NYAP2: variants seen among roughly 807,000 people sequenced by gnomAD.
NYAP2 encodes neuronal tyrosine-phosphorylated phosphoinositide-3-kinase adapter 2.
In NYAP2, 23 loss-of-function variants were observed where a neutral mutation model predicts 50.4. The observed-to-expected ratio is 0.46, with a 90% CI of 0.33 to 0.65. NYAP2 has a LOEUF of 0.65. NYAP2 is among the 30% of genes least tolerant of loss of function. The pLI is 0.02. For synonymous variants in NYAP2, 394 were observed against 365.2 expected (o/e 1.08, Z -0.90); for missense variants, 885 against 861.0 (o/e 1.03, Z -0.35).
rs373428676 is a variant in NYAP2, at chr2:225,487,364, CT to C, written c.222-25996del. Among the ~76,000 whole-genome samples, 782 of 147,888 alleles carry C rather than the reference CT, an allele frequency of 5.3e-3. 5 individuals are homozygous for C. Among genetic ancestry groups the C allele is most frequent in the African/African-American group, 0.017 (679 of 40,676 alleles). Reference sequence around the variant, plus strand: ...TTCTAATTGGTAACTTTCTTCTTTTCTTTTTTTTTTTCCATGTCAGAGTCTT... The same window carrying C: ...TTCTAATTGGTAACTTTCTTCTTTTCTTTTTTTTTTCCATGTCAGAGTCTT... On this transcript the variant is annotated intron_variant, in intron 3 of 6. Coordinates refer to ENST00000636099, the Ensembl canonical transcript of NYAP2.
upstream of NYAP2, among the ~76,000 whole-genome samples, chr2:225,398,894 T>C (rs552972213): frequency 1.7e-4 from 26 of 152,130 alleles, no homozygotes; most frequent in Admixed American, 2.6e-4. Context: ...GTTGATTTTA[T>C]TTTTCCCCAG....
chr2:225,665,080 G>A, the NYAP2 span, among the ~76,000 whole-genome samples: 18 of 152,262 alleles, frequency 1.2e-4, no homozygotes, highest in South Asian at 8.3e-4. Flanking sequence ...AAATAATATA[G>A]AATTTTACCT....
intron 3 of NYAP2, among the ~76,000 whole-genome samples, chr2:225,482,671 C>T (rs2106166033): frequency 6.6e-6 from 1 of 152,198 alleles, no homozygotes; most frequent in Admixed American, 6.5e-5. Flanking sequence ...TCTTGCTGCT[C>T]CACCACCACA....
At chr2:225,493,496 AT>A (rs1690446637) in intron 3 of NYAP2, among the ~76,000 whole-genome samples, 1 of 152,148 alleles carries the variant, frequency 6.6e-6, no homozygotes, top group South Asian at 2.1e-4. Flanking sequence ...AAATGTGTGG[AT>A]TTCCATAGTT....
intron 3 of NYAP2, among the ~76,000 whole-genome samples, chr2:225,493,758 G>T (rs879642889): frequency 5.9e-5 from 9 of 152,154 alleles, no homozygotes; most frequent in Admixed American, 2.0e-4. Context: ...GACCTTTATA[G>T]GGAAAAAGAA....
At chr2:225,545,784 G>A (rs1691569888) in intron 4 of NYAP2, among the ~76,000 whole-genome samples, 2 of 152,000 alleles carry the variant, frequency 1.3e-5, no homozygotes, top group Non-Finnish European at 2.9e-5. Flanking sequence ...GAAGAGTTAT[G>A]TATTTATTGT....
At chr2:225,683,480 T>C in the NYAP2 span, among the ~76,000 whole-genome samples, 293 of 152,328 alleles carry the variant, frequency 1.9e-3, 3 homozygotes, top group Non-Finnish European at 2.0e-3. Context: ...AAAAAATTCT[T>C]TCCAGTTATT....
intron 3 of NYAP2, among the ~76,000 whole-genome samples, chr2:225,438,443 A>G (rs932554664): frequency 1.3e-5 from 2 of 152,250 alleles, no homozygotes; most frequent in African/African-American, 4.8e-5. Flanking sequence ...TGACAGGGTC[A>G]TCCACTGAGC....
At chr2:225,693,051 G>A in the NYAP2 span, among the ~76,000 whole-genome samples, 1 of 151,976 alleles carries the variant, frequency 6.6e-6, no homozygotes, top group Non-Finnish European at 1.5e-5. Context: ...CATGGTTCAT[G>A]TGTCATGACT....
chr2:225,490,733 C>A (rs780674424), intron 3 of NYAP2, among the ~76,000 whole-genome samples: 15 of 152,286 alleles, frequency 9.8e-5, no homozygotes, highest in Non-Finnish European at 1.9e-4. Flanking sequence ...AGACACATTG[C>A]AATCAATGTA....
At chr2:225,605,928 T>C (rs1459514660) in intron 5 of NYAP2, among the ~76,000 whole-genome samples, 1 of 152,158 alleles carries the variant, frequency 6.6e-6, no homozygotes, top group Admixed American at 6.6e-5. Flanking sequence ...AAAAATATGT[T>C]AAGTGTTGCT....
chr2:225,596,202 GT>G (rs1279993449), intron 5 of NYAP2, among the ~76,000 whole-genome samples: 5 of 152,052 alleles, frequency 3.3e-5, no homozygotes, highest in African/African-American at 1.2e-4. Flanking sequence ...AGATTTTTCT[GT>G]TTATTTCCAT....
chr2:225,516,755 G>T (rs1271128058), intron 4 of NYAP2, among the ~76,000 whole-genome samples: 1 of 152,088 alleles, frequency 6.6e-6, no homozygotes, highest in Non-Finnish European at 1.5e-5. Flanking sequence ...GTTCTTTTAT[G>T]AACTCTCAGT....
At chr2:225,592,435 C>T (rs1284336894) in intron 5 of NYAP2, among the ~76,000 whole-genome samples, 4 of 152,204 alleles carry the variant, frequency 2.6e-5, no homozygotes. Context: ...TGCTTCTTAG[C>T]ACCACCTCTT....
intron 4 of NYAP2, among the ~76,000 whole-genome samples, chr2:225,559,074 C>T (rs1284429357): frequency 1.3e-5 from 2 of 151,956 alleles, no homozygotes; most frequent in Non-Finnish European, 2.9e-5. Flanking sequence ...TCTCTCTCTT[C>T]CTCTCTGTTT....
At chr2:225,528,690 C>G (rs1691199293) in intron 4 of NYAP2, among the ~76,000 whole-genome samples, 1 of 152,200 alleles carries the variant, frequency 6.6e-6, no homozygotes, top group East Asian at 1.9e-4. Context: ...AGTTGTGGAA[C>G]AGATAATGCA....
chr2:225,469,160 C>CA, intron 3 of NYAP2, among the ~76,000 whole-genome samples: 2 of 152,168 alleles, frequency 1.3e-5, no homozygotes, highest in South Asian at 4.2e-4. Context: ...AAAACTTAAA[C>CA]AAATTTACAA....
intron 3 of NYAP2, among the ~76,000 whole-genome samples, chr2:225,423,412 A>G (rs1347357407): frequency 6.6e-6 from 1 of 152,224 alleles, no homozygotes; most frequent in Non-Finnish European, 1.5e-5. Flanking sequence ...ACAATTGGCC[A>G]TCTTGGTTTG....
chr2:225,497,903 T>C (rs964128359), intron 3 of NYAP2, among the ~76,000 whole-genome samples: 3 of 152,134 alleles, frequency 2.0e-5, no homozygotes, highest in East Asian at 3.8e-4. Flanking sequence ...CCTTTAGAGG[T>C]TGGAAATTTC....
Sources: allele counts gnomAD v4.1 joint callset (sites outside exome capture counted in the v4.1 genomes callset), GRCh38; gene constraint gnomAD v4.1.1; transcripts MANE v1.5; gene names NCBI Gene and HGNC (gene_info 2026-07-23, HGNC 2026-07-21).